The following FAM168A variants were observed in gnomAD, a reference collection of about 807,000 sequenced individuals.
FAM168A encodes family with sequence similarity 168 member A, also known as protein FAM168A.
A neutral mutation model predicts 28.5 loss-of-function variants in FAM168A; 3 were observed. The observed-to-expected ratio is 0.11, with a 90% confidence interval of 0.05 to 0.27. The LOEUF (loss-of-function observed/expected upper bound fraction) is 0.27. Ranked by LOEUF, FAM168A falls within the 10% of genes least tolerant of loss-of-function variation. The pLI, the probability that FAM168A is intolerant of heterozygous loss-of-function variation, is 1.00. For synonymous variants in FAM168A, 122 were observed against 124.2 expected, an observed-to-expected ratio of 0.98 and a Z score of 0.12; for missense variants, 222 against 311.5, an observed-to-expected ratio of 0.71 and a Z score of 2.16.
At chr11:73,527,119 TTG>T (rs140876950) in intron 1 of FAM168A, among the ~76,000 whole-genome samples, 4,509 of 152,204 alleles carry the variant, frequency 0.03, 219 homozygotes, top group African/African-American at 0.1. Flanking sequence ...CTCCTTAATC[TTG>T]TGTACTGACC....
intron 1 of FAM168A, among the ~76,000 whole-genome samples, chr11:73,542,674 A>G (rs1327285946): frequency 6.6e-6 from 1 of 152,196 alleles, no homozygotes; most frequent in Non-Finnish European, 1.5e-5. Flanking sequence ...GCAATGAGTT[A>G]TCATCTCAGA....
At chr11:73,474,779 T>G (rs1219647398) in intron 1 of FAM168A, among the ~76,000 whole-genome samples, 1 of 152,196 alleles carries the variant, frequency 6.6e-6, no homozygotes, top group African/African-American at 2.4e-5. Flanking sequence ...CAAATACATA[T>G]TAGTTGAACA....
At chr11:73,518,328 T>C (rs912135281) in intron 1 of FAM168A, among the ~76,000 whole-genome samples, 3 of 152,104 alleles carry the variant, frequency 2.0e-5, no homozygotes, top group Admixed American at 2.0e-4. Context: ...CCAAACCTCA[T>C]GTTGAAATTT....
chr11:73,470,736 T>C (rs1867802637), intron 1 of FAM168A, among the ~76,000 whole-genome samples: 1 of 152,174 alleles, frequency 6.6e-6, no homozygotes, highest in Non-Finnish European at 1.5e-5. Flanking sequence ...TACATTTCCA[T>C]TCATTATAAA....
At chr11:73,456,931 T>C (rs1252073432) in intron 2 of FAM168A, among the ~76,000 whole-genome samples, 5 of 152,212 alleles carry the variant, frequency 3.3e-5, no homozygotes, top group African/African-American at 4.8e-5. Flanking sequence ...TGTGTTCTGA[T>C]TGTTAGTTTT....
rs1293818389 is a variant in FAM168A at position 73,510,007 on chromosome 11, A to G, written c.-18-41515T>C. Among the ~76,000 whole-genome samples, 5 of 152,146 alleles carry G rather than the reference A, an allele frequency of 3.3e-5. No homozygotes were observed. The East Asian group carries it at 7.8e-4, about 24-fold the overall frequency. On this transcript the variant is annotated intron_variant, in intron 1 of 7. Transcript: ENST00000356467. ...TTAATTCAACTTGTGCTCTGGCCAT[A>G]TTAGTCTAATTGCTTCTCTCCAAGT...
intron 1 of FAM168A, among the ~76,000 whole-genome samples, chr11:73,549,558 T>C (rs909792414): frequency 6.6e-6 from 1 of 152,206 alleles, no homozygotes; most frequent in Admixed American, 6.5e-5. Context: ...TTCTGTGTGT[T>C]CCCGGAGGCA....
intron 1 of FAM168A, among the ~76,000 whole-genome samples, chr11:73,515,174 A>T (rs1224613109): frequency 6.6e-6 from 1 of 152,188 alleles, no homozygotes; most frequent in African/African-American, 2.4e-5. Flanking sequence ...CACTCCAGGA[A>T]GGGATAATAC....
intron 1 of FAM168A, among the ~76,000 whole-genome samples, chr11:73,594,485 T>C (rs955759444): frequency 6.6e-6 from 1 of 152,172 alleles, no homozygotes. Context: ...GTATTAACTA[T>C]GTTCACAATG....
chr11:73,439,936 A>AGT (rs967751972), intron 2 of FAM168A, among the ~76,000 whole-genome samples: 2 of 125,136 alleles, frequency 1.6e-5, no homozygotes, highest in African/African-American at 6.4e-5. Context: ...CCCAAGCTGG[A>AGT]GTGCAATGGT....
rs1038257830 is a variant in FAM168A at position 73,557,390 on chromosome 11, G to GT, written c.-19+40532dup. Among the ~76,000 whole-genome samples, 508 of 146,526 alleles carry GT rather than the reference G, an allele frequency of 3.5e-3. 1 individual carries two copies. The highest frequency in any genetic ancestry group is 7.8e-3 in the Admixed American group (115 of 14,662). ...CAATAGTGCCACCACTCCTGGCTAA[G>GT]TTTTTTTTTTTTAATTTTTAGCAGG... is the stretch of plus-strand genomic sequence containing the variant. On this transcript the variant is annotated intron_variant, in intron 1 of 7. Transcript: ENST00000356467.
intron 2 of FAM168A, among the ~76,000 whole-genome samples, chr11:73,464,368 G>C (rs1590796611): frequency 6.7e-6 from 1 of 149,490 alleles, no homozygotes; most frequent in African/African-American, 2.5e-5. Flanking sequence ...AAAAAAAAAA[G>C]ATGGTAGTCT....
intron 2 of FAM168A, among the ~76,000 whole-genome samples, chr11:73,465,552 A>G (rs1413189515): frequency 1.3e-5 from 1 of 78,874 alleles, no homozygotes; most frequent in African/African-American, 1.2e-4. Flanking sequence ...TCTGGAGGGT[A>G]GAAGTCCAAG....
At chr11:73,511,940 T>A (rs1483479182) in intron 1 of FAM168A, among the ~76,000 whole-genome samples, 1 of 152,228 alleles carries the variant, frequency 6.6e-6, no homozygotes, top group Non-Finnish European at 1.5e-5. Context: ...ATATAAAGTA[T>A]GATCTAGCTA....
intron 1 of FAM168A, among the ~76,000 whole-genome samples, chr11:73,577,242 A>T (rs1035620196): frequency 1.3e-5 from 2 of 152,230 alleles, no homozygotes; most frequent in Non-Finnish European, 2.9e-5. Flanking sequence ...TCTGAGGTAG[A>T]ACAGATATGC....
At chr11:73,496,537 GTTA>G (rs1854879390) in intron 1 of FAM168A, among the ~76,000 whole-genome samples, 1 of 152,124 alleles carries the variant, frequency 6.6e-6, no homozygotes, top group Admixed American at 6.5e-5. Flanking sequence ...TAAATTTTAT[GTTA>G]TTTTTTGTTT....
At chr11:73,595,307 AAAGGAT>A (rs1480142383) in intron 1 of FAM168A, among the ~76,000 whole-genome samples, 1 of 152,208 alleles carries the variant, frequency 6.6e-6, no homozygotes, top group African/African-American at 2.4e-5. Flanking sequence ...CTTTCAATTC[AAAGGAT>A]AAGTCCAACG....
intron 2 of FAM168A, among the ~76,000 whole-genome samples, chr11:73,432,776 G>A (rs977454347): frequency 1.3e-5 from 2 of 152,126 alleles, no homozygotes; most frequent in Non-Finnish European, 2.9e-5. Flanking sequence ...TTAGCTGAGT[G>A]TGGTAGCGTG....
intron 1 of FAM168A, among the ~76,000 whole-genome samples, chr11:73,551,940 G>T (rs1184961170): frequency 6.6e-6 from 1 of 152,214 alleles, no homozygotes; most frequent in African/African-American, 2.4e-5. Context: ...ACCCATGCTG[G>T]TACAAAAGGA....
Sources: gnomAD v4.1 joint callset for allele counts (sites outside exome capture counted in the v4.1 genomes callset) on GRCh38, gnomAD v4.1.1 for gene constraint, MANE v1.5 for transcripts, NCBI Gene and HGNC (gene_info 2026-07-23, HGNC 2026-07-21) for gene names.